OCA2: variants seen among roughly 807,000 people sequenced by gnomAD.
OCA2 encodes P protein.
OCA2 carries 77 observed loss-of-function variants against 100.2 expected under a neutral mutation model. The ratio of observed to expected loss-of-function variants is 0.77; its 90% CI spans 0.64 to 0.93. The LOEUF is 0.93. Ranked by LOEUF, OCA2 falls within the 40% of genes least tolerant of loss-of-function variation. The probability of loss-of-function intolerance (pLI) is 0.00; values close to 1 mark genes in which losing one functional copy is unlikely to be tolerated. For synonymous variants in OCA2, 432 were observed against 439.2 expected (o/e 0.98, Z 0.21); for missense variants, 1,062 against 1,089.1 (o/e 0.98, Z 0.35).
At chr15:28,091,131 C>T (rs1234753695) in intron 1 of OCA2, among the ~76,000 whole-genome samples, 1 of 152,168 alleles carries the variant, frequency 6.6e-6, no homozygotes, top group Non-Finnish European at 1.5e-5. Flanking sequence ...TACTATAACT[C>T]ACCCAATATA....
At chr15:27,746,510 C>T in the OCA2 span, among the ~76,000 whole-genome samples, 1 of 151,736 alleles carries the variant, frequency 6.6e-6, no homozygotes, top group Non-Finnish European at 1.5e-5. Flanking sequence ...CTTTTTTCCC[C>T]CTGAAACTAC....
At position 27,897,026 on chromosome 15, in the gene OCA2, T is replaced by G. The variant is rs548717148; in HGVS notation, c.2080-25104A>C. The stretch of plus-strand genomic sequence containing the variant: ...TAACACAGTGAAACCCTGTCTCTAC[T>G]AAAAATACAAAAAATTAGCCGGGTG... On this transcript the variant is annotated intron_variant, in intron 19 of 23. Transcript: ENST00000354638. 4.6e-5 allele frequency among the ~76,000 whole-genome samples: 7 copies of G among 151,962 alleles called. No homozygotes were observed. In the South Asian group the frequency reaches 1.5e-3, roughly 32 times the overall value.
intron 21 of OCA2, among the ~76,000 whole-genome samples, chr15:27,853,416 A>C (rs1248905704): frequency 3.8e-5 from 4 of 104,470 alleles, no homozygotes; most frequent in Non-Finnish European, 5.5e-5. Context: ...CACTCTGGGG[A>C]CTGTTGTGGG....
intron 19 of OCA2, among the ~76,000 whole-genome samples, chr15:27,914,764 T>G (rs2262289): frequency 0.44 from 67,324 of 151,992 alleles, 15,518 homozygotes; most frequent in African/African-American, 0.57. Context: ...GAAGAATCAA[T>G]ATTATTAAAA....
At chr15:27,801,175 T>C (rs1487965560) in intron 23 of OCA2, among the ~76,000 whole-genome samples, 1 of 152,112 alleles carries the variant, frequency 6.6e-6, no homozygotes. Flanking sequence ...ACCAAAGACA[T>C]TACAAGAAAA....
the OCA2 span, among the ~76,000 whole-genome samples, chr15:27,730,586 G>C: frequency 1.5e-5 from 2 of 135,252 alleles, no homozygotes; most frequent in Admixed American, 1.4e-4. Context: ...ATCACGCCTT[G>C]GTGTTGCTGG....
At chr15:27,808,072 C>A (rs553710891) in intron 23 of OCA2, among the ~76,000 whole-genome samples, 1 of 152,332 alleles carries the variant, frequency 6.6e-6, no homozygotes, top group South Asian at 2.1e-4. Context: ...GAAGGTAAGT[C>A]ATGGAGATAG....
At position 28,077,775 on chromosome 15, in the gene OCA2, A is replaced by C. The variant is rs149737936; in HGVS notation, c.227+3873T>G. On this transcript the variant is annotated intron_variant, in intron 2 of 23. Transcript: ENST00000354638. Reference sequence around the variant, plus strand: ...ATAAGACGCAAAAAACCACACAAACATGGGCAATTAGAAATGCTGAATTGG... The same window carrying C: ...ATAAGACGCAAAAAACCACACAAACCTGGGCAATTAGAAATGCTGAATTGG... 3.0e-4 allele frequency among the ~76,000 whole-genome samples: 45 copies of C among 152,362 alleles called. No homozygotes were observed. In the East Asian group the frequency reaches 8.7e-3, roughly 29 times the overall value.
intron 13 of OCA2, among the ~76,000 whole-genome samples, 195 bp downstream of exon 13, chr15:27,984,869 G>A (rs1425577228): frequency 6.6e-6 from 1 of 152,188 alleles, no homozygotes; most frequent in Non-Finnish European, 1.5e-5. Flanking sequence ...CAGCTTCTGA[G>A]GCCCCACTGC....
At chr15:28,000,831 G>C (rs2041902949) in intron 9 of OCA2, among the ~76,000 whole-genome samples, 1 of 152,098 alleles carries the variant, frequency 6.6e-6, no homozygotes, top group Non-Finnish European at 1.5e-5. Flanking sequence ...AAGAAGACAT[G>C]CAAATGGCCC....
rs1274071410 is a variant in OCA2, at chr15:28,015,016, G to A, written c.891-87C>T. The A allele has an allele frequency of 3.6e-6, 5 of 1,393,218 alleles. 1 individual carries two copies. In the African/African-American group the frequency reaches 5.7e-5, roughly 16 times the overall value. The allele number at this position is 1,393,218 out of a possible 1,614,324, so 86.3% of individuals were successfully genotyped here. On this transcript the variant is annotated intron_variant, in intron 8 of 23. Coordinates refer to ENST00000354638, the MANE Select transcript of OCA2 (RefSeq NM_000275.3). ...TATCAGCCATGGCATTAACCAGAGT[G>A]CAAATGGAACAATTCAGCCCAACGC...
At chr15:28,018,372 C>CTT (rs759513041) in intron 7 of OCA2, 25 bp downstream of exon 7, 8 of 1,610,098 alleles carry the variant, frequency 5.0e-6, no homozygotes, top group Non-Finnish European at 6.8e-6. Context: ...TTCACAATTC[C>CTT]TTTCAAATAA....
At chr15:27,986,507 G>T in intron 12 of OCA2, 80 bp downstream of exon 12, 1 of 972,928 alleles carries the variant, frequency 1.0e-6, no homozygotes, top group East Asian at 2.5e-5. Context: ...TTAAATGTTT[G>T]TTTCCTAAAT....
At chr15:27,929,019 T>C (rs1160455357) in intron 18 of OCA2, among the ~76,000 whole-genome samples, 1 of 152,200 alleles carries the variant, frequency 6.6e-6, no homozygotes, top group Non-Finnish European at 1.5e-5. Context: ...ATTAACATTT[T>C]AACAATATAG....
At chr15:27,920,657 T>C (rs912089168) in intron 19 of OCA2, among the ~76,000 whole-genome samples, 24 of 151,916 alleles carry the variant, frequency 1.6e-4, no homozygotes, top group African/African-American at 5.5e-4. Context: ...GCTTTAAAAA[T>C]TGAAAAATGA....
At chr15:27,895,638 G>A (rs1454253345) in intron 19 of OCA2, 1 of 166,492 alleles carries the variant, frequency 6.0e-6, no homozygotes, top group Admixed American at 6.2e-5. Flanking sequence ...AGGGTATCTG[G>A]AGGAAGAAAT....
chr15:27,967,393 T>C (rs1567169522), intron 14 of OCA2, among the ~76,000 whole-genome samples: 1 of 152,202 alleles, frequency 6.6e-6, no homozygotes, highest in Non-Finnish European at 1.5e-5. Flanking sequence ...CAAGCCATCA[T>C]AGGAAGAAAC....
intron 18 of OCA2, among the ~76,000 whole-genome samples, chr15:27,933,119 T>C (rs1292908005): frequency 6.6e-6 from 1 of 152,218 alleles, no homozygotes; most frequent in Non-Finnish European, 1.5e-5. Flanking sequence ...ACTGGATATC[T>C]GCATGCAAAA....
At chr15:27,796,639 G>T (rs1282210850) in intron 23 of OCA2, among the ~76,000 whole-genome samples, 1 of 152,230 alleles carries the variant, frequency 6.6e-6, no homozygotes, top group Non-Finnish European at 1.5e-5. Context: ...CCTCCAGCAG[G>T]TGTAACAGGG....
Sources: allele counts gnomAD v4.1 joint callset (sites outside exome capture counted in the v4.1 genomes callset), GRCh38; gene constraint gnomAD v4.1.1; transcripts MANE v1.5; gene names NCBI Gene and HGNC (gene_info 2026-07-23, HGNC 2026-07-21).